The following HIBADH variants were observed in gnomAD, a reference collection of about 807,000 sequenced individuals.
HIBADH encodes the protein 3-hydroxyisobutyrate dehydrogenase.
Under a neutral mutation model 36.1 loss-of-function variants are expected in HIBADH, and 25 were observed. The ratio of observed to expected loss-of-function variants is 0.69; its 90% CI spans 0.50 to 0.97. HIBADH has a LOEUF of 0.97. HIBADH is among the 50% of genes least tolerant of loss of function. The pLI, the probability that HIBADH is intolerant of heterozygous loss-of-function variation, is 0.00. For synonymous variants in HIBADH, 160 were observed against 149.5 expected (o/e 1.07, Z -0.51); for missense variants, 421 against 418.0 (o/e 1.01, Z -0.06).
At chr7:27,643,626 T>C (rs1168182243) in intron 2 of HIBADH, among the ~76,000 whole-genome samples, 1 of 152,218 alleles carries the variant, frequency 6.6e-6, no homozygotes, top group Non-Finnish European at 1.5e-5. Context: ...ATTCCCAATG[T>C]TTGCTACATT....
At chr7:27,548,636 T>C (rs1407543316) in intron 4 of HIBADH, among the ~76,000 whole-genome samples, 3 of 152,174 alleles carry the variant, frequency 2.0e-5, no homozygotes, top group Non-Finnish European at 4.4e-5. Context: ...TTCTGTTATA[T>C]TCAGAAACTA....
At chr7:27,528,141 T>G (rs1783939354) in intron 7 of HIBADH, among the ~76,000 whole-genome samples, 1 of 151,906 alleles carries the variant, frequency 6.6e-6, no homozygotes, top group African/African-American at 2.4e-5. Context: ...ACATAATCGA[T>G]AAATGTGGTA....
chr7:27,636,694 T>A (rs1406501543), intron 2 of HIBADH, among the ~76,000 whole-genome samples: 1 of 152,242 alleles, frequency 6.6e-6, no homozygotes, highest in Non-Finnish European at 1.5e-5. Flanking sequence ...GGTGCATACA[T>A]CCCAGACTTT....
intron 7 of HIBADH, among the ~76,000 whole-genome samples, chr7:27,529,937 T>C (rs1321679597): frequency 6.6e-6 from 1 of 152,160 alleles, no homozygotes; most frequent in African/African-American, 2.4e-5. Context: ...AGGCAAGACC[T>C]TCCACCAGCA....
chr7:27,655,692 G>C (rs1786286044), intron 1 of HIBADH, among the ~76,000 whole-genome samples: 1 of 151,992 alleles, frequency 6.6e-6, no homozygotes, highest in African/African-American at 2.4e-5. Flanking sequence ...AGAAAAACAT[G>C]AATAATTTTT....
intron 1 of HIBADH, among the ~76,000 whole-genome samples, chr7:27,651,756 T>C (rs1416729155): frequency 1.3e-5 from 2 of 152,128 alleles, no homozygotes; most frequent in Admixed American, 1.3e-4. Flanking sequence ...CCAAAGAAGG[T>C]AAGAGACACA....
intron 4 of HIBADH, among the ~76,000 whole-genome samples, chr7:27,605,570 C>T (rs1450782004): frequency 7.9e-5 from 9 of 113,804 alleles, no homozygotes; most frequent in African/African-American, 2.8e-4. Context: ...ATTCCCCTCT[C>T]CAGTGTTTAG....
chr7:27,568,250 T>G (rs1784577577), intron 4 of HIBADH, among the ~76,000 whole-genome samples: 1 of 152,190 alleles, frequency 6.6e-6, no homozygotes, highest in South Asian at 2.1e-4. Context: ...TTTCTGAGTT[T>G]TCCTTTACCT....
Position 27,529,494 on chromosome 7 carries a change from C to CG in HIBADH, c.852+1697_852+1698insC, listed in dbSNP as rs556355244. On this transcript the variant is annotated intron_variant, in intron 7 of 7. Transcript: ENST00000265395. ...GATAACTTTGAGGCCTTTAAGACTT[C>CG]AATGGAGAAAGTCACTGCAGACGTG... Among the ~76,000 whole-genome samples, 25 of 152,224 alleles carry CG rather than the reference C, an allele frequency of 1.6e-4. No homozygotes were observed. In the South Asian group the frequency reaches 5.0e-3, roughly 30 times the overall value.
At chr7:27,549,828 C>T (rs1262776302) in intron 4 of HIBADH, among the ~76,000 whole-genome samples, 1 of 152,148 alleles carries the variant, frequency 6.6e-6, no homozygotes, top group East Asian at 1.9e-4. Context: ...AGAATGAAAA[C>T]AGGCTCAAGG....
At chr7:27,644,231 C>T (rs1786014696) in intron 2 of HIBADH, among the ~76,000 whole-genome samples, 2 of 151,878 alleles carry the variant, frequency 1.3e-5, no homozygotes, top group African/African-American at 4.8e-5. Flanking sequence ...TTTGGGAGGC[C>T]GAGGTGGGCA....
At chr7:27,559,661 C>A (rs556791063) in intron 4 of HIBADH, among the ~76,000 whole-genome samples, 11 of 151,986 alleles carry the variant, frequency 7.2e-5, no homozygotes, top group African/African-American at 2.7e-4. Context: ...ACAAAAAAAC[C>A]CTATGAGTAG....
chr7:27,607,466 G>A (rs1005197958), intron 4 of HIBADH, among the ~76,000 whole-genome samples: 2 of 151,946 alleles, frequency 1.3e-5, no homozygotes, highest in Admixed American at 6.6e-5. Context: ...CTGAGATCAC[G>A]CCACTGAACT....
intron 4 of HIBADH, among the ~76,000 whole-genome samples, chr7:27,628,032 C>T (rs1336654522): frequency 6.6e-6 from 1 of 152,014 alleles, no homozygotes; most frequent in Non-Finnish European, 1.5e-5. Flanking sequence ...TGTACCATAC[C>T]AATTTTCAAA....
chr7:27,646,250 C>G, intron 2 of HIBADH, among the ~76,000 whole-genome samples: 1 of 152,166 alleles, frequency 6.6e-6, no homozygotes, highest in East Asian at 1.9e-4. Flanking sequence ...TTCCAGCAAT[C>G]TAGTTTATAA....
intron 4 of HIBADH, among the ~76,000 whole-genome samples, chr7:27,626,739 AAGTATAGTATGTTCCCATT>A (rs1317197933): frequency 1.3e-5 from 2 of 152,218 alleles, no homozygotes; most frequent in Non-Finnish European, 1.5e-5. Context: ...AGGATAATAG[AAGTATAGTATGTTCCCATT>A]TACACTTTTA....
intron 4 of HIBADH, among the ~76,000 whole-genome samples, chr7:27,588,405 T>A (rs1562633021): frequency 6.6e-6 from 1 of 152,222 alleles, no homozygotes; most frequent in Non-Finnish European, 1.5e-5. Flanking sequence ...CATAGCTCAC[T>A]GTAGCCTCTA....
Position 27,631,986 on chromosome 7 carries a change from C to T in HIBADH, c.362+350G>A, listed in dbSNP as rs1179833355. On this transcript the variant is annotated intron_variant, in intron 3 of 7. Transcript: ENST00000265395. ...ATGTTTGGCTATATTTTTCATAAAA[C>T]CCTTTTCCTGAATTTCTATAAGCTG... Among the ~76,000 whole-genome samples, 3 of 152,110 alleles carry T rather than the reference C, an allele frequency of 2.0e-5. 1 individual carries two copies. The highest frequency in any genetic ancestry group is 4.8e-5 in the African/African-American group (2 of 41,430).
Position 27,551,836 on chromosome 7 carries a change from T to C in HIBADH, c.485-8736A>G, listed in dbSNP as rs1784323452. Among the ~76,000 whole-genome samples the C allele has an allele frequency of 2.6e-5, 4 of 152,336 alleles. No homozygotes were observed. In the South Asian group the frequency reaches 8.3e-4, roughly 32 times the overall value. ...AAGAACTTAAATGTTTTAACCAGTGTGCCATCAAAAGAGATCAAGAAGAGG... is the reference window on the plus strand; with the variant it reads ...AAGAACTTAAATGTTTTAACCAGTGCGCCATCAAAAGAGATCAAGAAGAGG... On this transcript the variant is annotated intron_variant, in intron 4 of 7. Coordinates refer to ENST00000265395, the MANE Select transcript of HIBADH (RefSeq NM_152740.4).
Sources: allele counts gnomAD v4.1 joint callset (sites outside exome capture counted in the v4.1 genomes callset), GRCh38; gene constraint gnomAD v4.1.1; transcripts MANE v1.5; gene names NCBI Gene and HGNC (gene_info 2026-07-23, HGNC 2026-07-21).